The following NTRK2 variants were observed in gnomAD, a reference collection of about 807,000 sequenced individuals.
The protein encoded by NTRK2 is BDNF/NT-3 growth factors receptor.
NTRK2 carries 13 observed loss-of-function variants against 94.5 expected under a neutral mutation model. The observed-to-expected ratio is 0.14, with a 90% CI of 0.09 to 0.22. NTRK2 has a LOEUF of 0.22. Ranked by LOEUF, NTRK2 falls within the 10% of genes least tolerant of loss-of-function variation. The pLI, the probability that NTRK2 is intolerant of heterozygous loss-of-function variation, is 1.00. For missense variants in NTRK2, 639 were observed against 1,071.2 expected (o/e 0.60, Z 5.63); for synonymous variants, 372 against 407.4 (o/e 0.91, Z 1.05).
chr9:84,928,482 T>G (rs72739929), intron 14 of NTRK2, among the ~76,000 whole-genome samples: 3,318 of 152,312 alleles, frequency 0.022, 50 homozygotes, highest in Non-Finnish European at 0.034. Context: ...AGAAAAGATA[T>G]CAACTAAATG....
At chr9:84,930,548 G>A (rs147617661) in intron 14 of NTRK2, among the ~76,000 whole-genome samples, 178 of 152,260 alleles carry the variant, frequency 1.2e-3, no homozygotes, top group African/African-American at 3.9e-3. Context: ...TAGAGATGGC[G>A]TCCAATTGAG....
At position 84,872,614 on chromosome 9, in the gene NTRK2, T is replaced by C. The variant is rs79843613; in HGVS notation, c.1633+5183T>C. On this transcript the variant is annotated intron_variant, in intron 14 of 18. Coordinates refer to ENST00000277120, the MANE Select transcript of NTRK2 (RefSeq NM_006180.6). ...GTAAAGTATTCTGACTTTTTTTTTT[T>C]CAACTTAATTCCATTTCCAATGAAA... 1.0e-5 allele frequency: 11 copies of C among 1,063,132 alleles called. No homozygotes were observed. The African/African-American group carries it at 1.5e-4, about 14-fold the overall frequency. 65.9% of individuals were successfully genotyped at this position (1,063,132 alleles called of 1,614,324 possible).
At chr9:84,852,671 G>T (rs1045251482) in intron 12 of NTRK2, among the ~76,000 whole-genome samples, 73 of 152,206 alleles carry the variant, frequency 4.8e-4, no homozygotes, top group African/African-American at 1.7e-3. Context: ...AGTGTTGTAT[G>T]TAGTTTAATT....
At chr9:84,884,023 A>G (rs972005693) in intron 14 of NTRK2, among the ~76,000 whole-genome samples, 1 of 152,198 alleles carries the variant, frequency 6.6e-6, no homozygotes, top group African/African-American at 2.4e-5. Flanking sequence ...TTTCTTTTGG[A>G]ATTTCATTTT....
intron 12 of NTRK2, among the ~76,000 whole-genome samples, chr9:84,818,471 C>A (rs1353189648): frequency 6.6e-6 from 1 of 152,230 alleles, no homozygotes; most frequent in Non-Finnish European, 1.5e-5. Context: ...AGCAAGTCTT[C>A]AGGTATTTGT....
chr9:85,005,160 A>C (rs1173700678), intron 17 of NTRK2, among the ~76,000 whole-genome samples: 1 of 152,182 alleles, frequency 6.6e-6, no homozygotes, highest in Non-Finnish European at 1.5e-5. Flanking sequence ...ATACAGTGCA[A>C]TTATGTCATT....
chr9:84,888,561 C>T (rs940972614), intron 14 of NTRK2, among the ~76,000 whole-genome samples: 18 of 126,088 alleles, frequency 1.4e-4, no homozygotes, highest in Admixed American at 1.0e-4. Context: ...TGCAGTGAGC[C>T]GAGATAGCGC....
In NTRK2 at chr9:84,742,789, G is replaced by GTTT. The variant is rs757253032; in HGVS notation, c.1195+887_1195+889dup. On this transcript the variant is annotated intron_variant, in intron 10 of 18. Transcript: ENST00000277120. ...AAAGAAACCAAAGTCCATTATATTA[G>GTTT]TTTTTTTTTTTTTTTTTTTTTTTTT... 6.7e-4 allele frequency among the ~76,000 whole-genome samples: 69 copies of GTTT among 103,670 alleles called. 8 individuals are homozygous for GTTT. The highest frequency in any genetic ancestry group is 1.2e-3 in the African/African-American group (30 of 24,864). 68.0% of individuals were successfully genotyped at this position (103,670 alleles called of 152,430 possible). A position where few individuals can be genotyped will look rare whatever the true frequency, so the allele number is the denominator to read the frequency against.
At chr9:84,973,930 T>C (rs1826490607) in intron 17 of NTRK2, among the ~76,000 whole-genome samples, 1 of 152,240 alleles carries the variant, frequency 6.6e-6, no homozygotes, top group Admixed American at 6.5e-5. Flanking sequence ...TGTACAGTTT[T>C]GCTCAATGGT....
intron 15 of NTRK2, among the ~76,000 whole-genome samples, chr9:84,938,953 G>A (rs1256685489): frequency 6.8e-6 from 1 of 147,208 alleles, no homozygotes; most frequent in Admixed American, 6.9e-5. Flanking sequence ...TTGGTAGGCT[G>A]AAGTGGAAGG....
rs1363023787 is a variant in NTRK2 at position 84,836,951 on chromosome 9, ATAATAT to A, written c.1397-24088_1397-24083del. On this transcript the variant is annotated intron_variant, in intron 12 of 18. Transcript: ENST00000277120. ...GTCGTAGAGTATAATATAATATAAT[ATAATAT>A]AATATAATATAATATAATATAATAT... 9.1e-4 allele frequency among the ~76,000 whole-genome samples: 131 copies of A among 144,484 alleles called. 1 individual carries two copies. Among genetic ancestry groups the A allele is most frequent in the African/African-American group, 3.2e-3 (127 of 39,274 alleles). The allele number at this position is 144,484 out of a possible 152,430, so 94.8% of individuals were successfully genotyped here.
At chr9:84,742,289 A>T (rs1479446361) in intron 10 of NTRK2, among the ~76,000 whole-genome samples, 2 of 152,202 alleles carry the variant, frequency 1.3e-5, no homozygotes, top group Admixed American at 1.3e-4. Context: ...CCAATTCAAA[A>T]TGATGTTTCT....
intron 11 of NTRK2, among the ~76,000 whole-genome samples, chr9:84,745,555 A>G (rs532329658): frequency 6.6e-6 from 1 of 152,320 alleles, no homozygotes; most frequent in South Asian, 2.1e-4. Flanking sequence ...CCTCAAATAC[A>G]AATAGAAGCA....
chr9:84,832,543 G>A (rs1409237954), intron 12 of NTRK2, among the ~76,000 whole-genome samples: 1 of 152,180 alleles, frequency 6.6e-6, no homozygotes, highest in Admixed American at 6.6e-5. Flanking sequence ...AAGTGTCAGG[G>A]CGAGGGAGGT....
At chr9:84,939,634 C>T (rs575260148) in intron 15 of NTRK2, among the ~76,000 whole-genome samples, 1 of 152,124 alleles carries the variant, frequency 6.6e-6, no homozygotes, top group East Asian at 1.9e-4. Context: ...GTGTTTAGGC[C>T]TCAGGGGAAT....
At chr9:84,894,957 G>A (rs527625871) in intron 14 of NTRK2, among the ~76,000 whole-genome samples, 10 of 152,276 alleles carry the variant, frequency 6.6e-5, no homozygotes, top group Middle Eastern at 3.4e-3. Flanking sequence ...ACAGGTTTAT[G>A]ATTCAAGCTT....
intron 14 of NTRK2, among the ~76,000 whole-genome samples, chr9:84,887,813 A>C (rs1449173000): frequency 6.6e-6 from 1 of 152,198 alleles, no homozygotes; most frequent in African/African-American, 2.4e-5. Flanking sequence ...AAATCTCTTA[A>C]ACTGGGAAAC....
At chr9:84,979,756 T>G (rs1259190689) in intron 17 of NTRK2, among the ~76,000 whole-genome samples, 1 of 152,220 alleles carries the variant, frequency 6.6e-6, no homozygotes, top group African/African-American at 2.4e-5. Context: ...TGTATTATTT[T>G]AAGAAATTTT....
chr9:85,019,688 G>A (rs1832611355), intron 17 of NTRK2, among the ~76,000 whole-genome samples: 1 of 152,202 alleles, frequency 6.6e-6, no homozygotes, highest in Admixed American at 6.5e-5. Flanking sequence ...TTTGTAGAAT[G>A]AGAATAATGA....
Sources: gnomAD v4.1 joint callset for allele counts (sites outside exome capture counted in the v4.1 genomes callset) on GRCh38, gnomAD v4.1.1 for gene constraint, MANE v1.5 for transcripts, NCBI Gene and HGNC (gene_info 2026-07-23, HGNC 2026-07-21) for gene names.